Variants in PADI1 observed in about 807,000 individuals in gnomAD.
The protein encoded by PADI1 is protein-arginine deiminase type-1.
PADI1 carries 65 observed loss-of-function variants against 74.8 expected under a neutral mutation model. The ratio of observed to expected loss-of-function variants is 0.87; its 90% CI spans 0.71 to 1.07. The LOEUF is 1.07. PADI1 is among the 50% of genes least tolerant of loss of function. The probability of loss-of-function intolerance (pLI) is 0.00; values close to 1 mark genes in which losing one functional copy is unlikely to be tolerated. For missense variants in PADI1, 943 were observed against 854.0 expected (o/e 1.10, Z -1.30); for synonymous variants, 371 against 336.2 (o/e 1.10, Z -1.13).
Position 17,230,192 on chromosome 1 carries a change from A to G in PADI1, c.1037A>G (p.Asn346Ser), listed in dbSNP as rs1254407115. Residue 346 changes from asparagine (N) to serine (S), a missense_variant, in exon 9 of 16, where the codon AAT becomes AGT. By Grantham distance (46) the Asn-to-Ser change is conservative. Transcript: ENST00000375471. ...ATCTGCCCTCAAGTTGAAAATCGAA[A>G]TGACCGCTGGATCCAGGTGGGAGCT... ...LTICPQVENR[N>S]DRWIQDEMEF... is the part of the protein sequence containing the mutation. 4 of 1,613,950 alleles carry G rather than the reference A, an allele frequency of 2.5e-6. No homozygotes were observed. Among genetic ancestry groups the G allele is most frequent in the African/African-American group, 2.7e-5 (2 of 74,922 alleles).
At chr1:17,238,331 G>C (rs2977308) in intron 12 of PADI1, among the ~76,000 whole-genome samples, 134,744 of 152,318 alleles carry the variant, frequency 0.88, 59,709 homozygotes, top group South Asian at 0.95. Context: ...CGTGAGCCAC[G>C]ACACCCAGCC....
chr1:17,230,255 A>G, intron 9 of PADI1, 47 bp downstream of exon 9: 1 of 1,592,962 alleles, frequency 6.3e-7, no homozygotes, highest in Non-Finnish European at 8.5e-7. Flanking sequence ...GGCTTGGGGA[A>G]AGGGAAGCCG....
At chr1:17,226,922 G>C (rs1387085523) in intron 6 of PADI1, among the ~76,000 whole-genome samples, 1 of 152,030 alleles carries the variant, frequency 6.6e-6, no homozygotes, top group African/African-American at 2.4e-5. Flanking sequence ...GTGGCGGCAG[G>C]TGCCTGTAGT....
rs78150075 is a variant in PADI1, at chr1:17,216,128, C to T, written c.93-6162C>T. Among the ~76,000 whole-genome samples the T allele has an allele frequency of 8.5e-3, 1,300 of 152,074 alleles. 20 individuals are homozygous for T. Among genetic ancestry groups the T allele is most frequent in the African/African-American group, 0.029 (1,196 of 41,488 alleles). On this transcript the variant is annotated intron_variant, in intron 1 of 15. Transcript: ENST00000375471. ...AGAACGGCAGGAACAAGCAAGAGGGCGTGGGGAGGGAAAGCAATGGGTCAG... is the reference window on the plus strand; with the variant it reads ...AGAACGGCAGGAACAAGCAAGAGGGTGTGGGGAGGGAAAGCAATGGGTCAG...
intron 1 of PADI1, among the ~76,000 whole-genome samples, chr1:17,213,688 T>C (rs2071894879): frequency 6.6e-6 from 1 of 152,160 alleles, no homozygotes; most frequent in African/African-American, 2.4e-5. Flanking sequence ...AGCACGTGCC[T>C]GGCACACGGC....
At chr1:17,219,158 T>C (rs893800565) in intron 1 of PADI1, among the ~76,000 whole-genome samples, 3 of 152,076 alleles carry the variant, frequency 2.0e-5, no homozygotes, top group Admixed American at 6.5e-5. Context: ...TCTGATTGTA[T>C]AGCTGGAGCT....
intron 12 of PADI1, among the ~76,000 whole-genome samples, chr1:17,238,179 G>A (rs2100522486): frequency 6.6e-6 from 1 of 152,306 alleles, no homozygotes; most frequent in Non-Finnish European, 1.5e-5. Flanking sequence ...CTCCCAAGTA[G>A]CTGGGATTAC....
intron 1 of PADI1, among the ~76,000 whole-genome samples, chr1:17,205,707 T>G (rs1004705336): frequency 2.0e-5 from 3 of 151,984 alleles, no homozygotes; most frequent in Admixed American, 6.6e-5. Context: ...CAAGCCCCCA[T>G]CTCTTTGAGG....
intron 1 of PADI1, among the ~76,000 whole-genome samples, chr1:17,215,294 G>A (rs559023505): frequency 9.2e-5 from 14 of 152,302 alleles, no homozygotes; most frequent in African/African-American, 3.4e-4. Context: ...GGAGGGAGCA[G>A]ATCTAGACTA....
chr1:17,212,840 G>T (rs2071868970), intron 1 of PADI1, among the ~76,000 whole-genome samples: 1 of 152,168 alleles, frequency 6.6e-6, no homozygotes, highest in Admixed American at 6.5e-5. Context: ...AAGATCACAG[G>T]CACCACCCCC....
At chr1:17,207,926 C>T (rs1037619930) in intron 1 of PADI1, among the ~76,000 whole-genome samples, 17 of 152,280 alleles carry the variant, frequency 1.1e-4, no homozygotes, top group East Asian at 5.8e-4. Flanking sequence ...GCCAGGTCTG[C>T]GATGGGCAGG....
At chr1:17,229,977 C>G (rs2072440283) in intron 8 of PADI1, 108 bp from the exon 9 acceptor site, 6 of 1,023,350 alleles carry the variant, frequency 5.9e-6, no homozygotes, top group South Asian at 1.5e-5. Context: ...TGAACTGGAA[C>G]CCCTGTACCC....
At chr1:17,242,508 G>C (rs1025443186) in intron 15 of PADI1, among the ~76,000 whole-genome samples, 1 of 152,200 alleles carries the variant, frequency 6.6e-6, no homozygotes, top group African/African-American at 2.4e-5. Context: ...GCTGAAGGTG[G>C]CGGGGAGGGC....
At chr1:17,233,027 C>A in intron 11 of PADI1, 57 bp downstream of exon 11, 4 of 1,423,170 alleles carry the variant, frequency 2.8e-6, no homozygotes, top group Non-Finnish European at 3.8e-6. Flanking sequence ...AGCATCCACC[C>A]TCCCTGTGCC....
chr1:17,205,269 G>A lies in PADI1; in HGVS notation c.52G>A (p.Val18Met), dbSNP rs562066886. Residue 18 changes from valine (V) to methionine (M), a missense_variant, in exon 1 of 16, where the codon GTG becomes ATG. Val to Met is a conservative substitution (Grantham distance 21). Coordinates refer to ENST00000375471, the MANE Select transcript of PADI1 (RefSeq NM_013358.3). ...QLSLKMPTHA[V>M]CVVGVEAHVD... ...GTCCCTGAAGATGCCTACCCATGCC[G>A]TGTGTGTGGTGGGAGTCGAGGCACA... is the stretch of plus-strand genomic sequence containing the variant. The A allele has an allele frequency of 2.0e-5, 33 of 1,613,700 alleles. 1 individual carries two copies. Among genetic ancestry groups the A allele is most frequent in the South Asian group, 1.5e-4 (14 of 91,064 alleles).
At chr1:17,206,302 G>A (rs1303574864) in intron 1 of PADI1, among the ~76,000 whole-genome samples, 2 of 152,226 alleles carry the variant, frequency 1.3e-5, no homozygotes, top group African/African-American at 2.4e-5. Flanking sequence ...GGGGCCCAGG[G>A]CCAGCTGCCC....
intron 15 of PADI1, among the ~76,000 whole-genome samples, chr1:17,242,436 T>C (rs2072796500): frequency 6.6e-6 from 1 of 152,252 alleles, no homozygotes; most frequent in East Asian, 1.9e-4. Flanking sequence ...AACAACTGCA[T>C]GTGGCCAGTG....
At chr1:17,218,603 G>A (rs988909283) in intron 1 of PADI1, among the ~76,000 whole-genome samples, 2 of 152,256 alleles carry the variant, frequency 1.3e-5, no homozygotes, top group Non-Finnish European at 2.9e-5. Context: ...GGCAACAGTG[G>A]AGTTTCCTTG....
intron 4 of PADI1, 70 bp from the exon 5 acceptor site, chr1:17,225,741 G>C: frequency 9.8e-7 from 1 of 1,015,528 alleles, no homozygotes. Context: ...GCCCGCCCTG[G>C]CCATGTCTAG....
Sources: allele counts gnomAD v4.1 joint callset (sites outside exome capture counted in the v4.1 genomes callset), GRCh38; gene constraint gnomAD v4.1.1; transcripts MANE v1.5; gene names NCBI Gene and HGNC (gene_info 2026-07-23, HGNC 2026-07-21).